The following MINDY4 variants were observed in gnomAD, a reference collection of about 807,000 sequenced individuals.
MINDY4 encodes the protein probable ubiquitin carboxyl-terminal hydrolase MINDY-4.
A neutral mutation model predicts 87.0 loss-of-function variants in MINDY4; 68 were observed. The ratio of observed to expected loss-of-function variants is 0.78; its 90% CI spans 0.64 to 0.96. MINDY4 has a LOEUF of 0.96. MINDY4 is among the 40% of genes least tolerant of loss of function. MINDY4 has a pLI of 0.00. For synonymous variants in MINDY4, 379 were observed against 363.2 expected, an observed-to-expected ratio of 1.04 and a Z score of -0.50; for missense variants, 919 against 928.2, an observed-to-expected ratio of 0.99 and a Z score of 0.13.
chr7:30,813,268 C>A (rs1788057922), intron 5 of MINDY4, among the ~76,000 whole-genome samples: 1 of 152,208 alleles, frequency 6.6e-6, no homozygotes, highest in Non-Finnish European at 1.5e-5. Flanking sequence ...TTCTTTTCTA[C>A]TTCTACAAAC....
In MINDY4 at chr7:30,820,820, G is replaced by A. The variant is rs114306130; in HGVS notation, c.1074-7859G>A. 9.1e-3 allele frequency among the ~76,000 whole-genome samples: 1,380 copies of A among 152,252 alleles called. 22 individuals are homozygous for A. The highest frequency in any genetic ancestry group is 0.032 in the African/African-American group (1,342 of 41,530). On this transcript the variant is annotated intron_variant, in intron 5 of 17. Coordinates refer to ENST00000265299, the MANE Select transcript of MINDY4 (RefSeq NM_032222.3). ...CGTGAACATTTACGCACATGTATTT[G>A]TTTGAGTCCCTGTTTTCAGTTCTTT...
rs1030567334 is a variant in MINDY4 at position 30,839,629 on chromosome 7, G to C, written c.1356+313G>C. 2.0e-5 allele frequency among the ~76,000 whole-genome samples: 3 copies of C among 152,070 alleles called. No homozygotes were observed. In the East Asian group the frequency reaches 5.8e-4, roughly 29 times the overall value. ...GCAGTAGGAGGCCTTCAGTCTGCTT[G>C]GGGCCACTAGAGGGGCCTTCTTAGG... On this transcript the variant is annotated intron_variant, in intron 8 of 17. Coordinates refer to ENST00000265299, the MANE Select transcript of MINDY4 (RefSeq NM_032222.3).
intron 15 of MINDY4, among the ~76,000 whole-genome samples, chr7:30,880,633 C>T (rs1176439330): frequency 2.0e-5 from 3 of 152,154 alleles, no homozygotes; most frequent in African/African-American, 2.4e-5. Context: ...GCGATGCCCT[C>T]ACCAGAAAAG....
intron 6 of MINDY4, among the ~76,000 whole-genome samples, chr7:30,834,730 A>G (rs1321859678): frequency 6.6e-6 from 1 of 152,186 alleles, no homozygotes; most frequent in African/African-American, 2.4e-5. Flanking sequence ...ACAGCACTCA[A>G]GTCGCCTCTT....
intron 8 of MINDY4, 71 bp from the exon 9 acceptor site, chr7:30,840,689 G>A (rs532818317): frequency 1.4e-6 from 2 of 1,399,470 alleles, no homozygotes; most frequent in East Asian, 2.3e-5. Flanking sequence ...GTTCTGGGGT[G>A]GGTTTGGGTG....
intron 5 of MINDY4, among the ~76,000 whole-genome samples, chr7:30,807,883 G>A (rs550032719): frequency 9.8e-5 from 15 of 152,304 alleles, no homozygotes; most frequent in Admixed American, 7.2e-4. Flanking sequence ...TTGCTCACTC[G>A]GGGAGCTCGG....
chr7:30,789,126 G>GAC (rs1787243279), intron 4 of MINDY4, among the ~76,000 whole-genome samples: 1 of 150,424 alleles, frequency 6.6e-6, no homozygotes, highest in South Asian at 2.1e-4. Context: ...TCCCTAAAAG[G>GAC]ATCTGGGGAC....
At chr7:30,866,844 A>T (rs1391803403) in intron 13 of MINDY4, among the ~76,000 whole-genome samples, 1 of 152,040 alleles carries the variant, frequency 6.6e-6, no homozygotes. Flanking sequence ...GCTGCTGATG[A>T]GCCTGGGCCC....
intron 2 of MINDY4, chr7:30,779,730 A>G (rs893661779): frequency 6.6e-6 from 1 of 152,252 alleles, no homozygotes; most frequent in Non-Finnish European, 1.5e-5. Context: ...GGATGAGGCT[A>G]GAACCAGGTG....
chr7:30,780,333 G>A (rs1328867256), intron 2 of MINDY4: 6 of 152,118 alleles, frequency 3.9e-5, no homozygotes, highest in African/African-American at 1.4e-4. Context: ...TAACCATTCT[G>A]GTTACATTGG....
chr7:30,795,830 C>T (rs894582490), intron 5 of MINDY4, among the ~76,000 whole-genome samples: 5 of 152,196 alleles, frequency 3.3e-5, no homozygotes, highest in Non-Finnish European at 7.3e-5. Flanking sequence ...AAGCCAGTGA[C>T]GTTGGCTGAA....
At chr7:30,888,569 G>A (rs987338995) in intron 17 of MINDY4, among the ~76,000 whole-genome samples, 12 of 152,090 alleles carry the variant, frequency 7.9e-5, no homozygotes, top group African/African-American at 2.9e-4. Flanking sequence ...GTGCCTGTCC[G>A]CAGTTGTTGG....
chr7:30,827,777 A>T (rs1440907747), intron 5 of MINDY4, among the ~76,000 whole-genome samples: 1 of 152,162 alleles, frequency 6.6e-6, no homozygotes, highest in African/African-American at 2.4e-5. Context: ...GCCCCTTCAT[A>T]CATCTTCAGG....
chr7:30,886,006 C>T (rs1260751541), intron 17 of MINDY4, among the ~76,000 whole-genome samples: 2 of 152,186 alleles, frequency 1.3e-5, no homozygotes, highest in Admixed American at 6.5e-5. Context: ...TGACATACCA[C>T]TGCAGTGGGA....
At chr7:30,884,586 A>G (rs1790573072) in intron 17 of MINDY4, among the ~76,000 whole-genome samples, 3 of 152,172 alleles carry the variant, frequency 2.0e-5, no homozygotes, top group Non-Finnish European at 4.4e-5. Context: ...ACACAGCCGC[A>G]GCTTGCCTCT....
At chr7:30,829,063 A>T (rs1466259029) in intron 6 of MINDY4, among the ~76,000 whole-genome samples, 2 of 152,184 alleles carry the variant, frequency 1.3e-5, no homozygotes, top group East Asian at 3.9e-4. Flanking sequence ...TCCAGAAAAC[A>T]GTTCTCATTC....
intron 14 of MINDY4, among the ~76,000 whole-genome samples, chr7:30,872,519 T>C (rs1005133814): frequency 6.6e-6 from 1 of 152,240 alleles, no homozygotes; most frequent in African/African-American, 2.4e-5. Context: ...CTTCTGTTTC[T>C]GGACAGCTTT....
intron 3 of MINDY4, among the ~76,000 whole-genome samples, chr7:30,782,444 G>C (rs947034992): frequency 6.6e-6 from 1 of 152,066 alleles, no homozygotes; most frequent in East Asian, 1.9e-4. Flanking sequence ...GCTCACGCCT[G>C]TAATCCCAGC....
intron 5 of MINDY4, among the ~76,000 whole-genome samples, chr7:30,819,817 T>C (rs963229466): frequency 2.6e-5 from 4 of 152,064 alleles, no homozygotes; most frequent in Non-Finnish European, 5.9e-5. Flanking sequence ...AAATGGCTAG[T>C]ATACAAGTGG....
Sources: gnomAD v4.1 joint callset for allele counts (sites outside exome capture counted in the v4.1 genomes callset) on GRCh38, gnomAD v4.1.1 for gene constraint, MANE v1.5 for transcripts, NCBI Gene and HGNC (gene_info 2026-07-23, HGNC 2026-07-21) for gene names.